Variants in VWA2 observed in about 807,000 individuals in gnomAD.
VWA2 encodes the protein von Willebrand factor A domain-containing protein 2.
VWA2 carries 73 observed loss-of-function variants against 70.4 expected under a neutral mutation model. The ratio of observed to expected loss-of-function variants is 1.04; its 90% CI spans 0.86 to 1.26. VWA2 has a LOEUF of 1.26. Ranked by LOEUF, VWA2 falls within the 50% of genes most tolerant of loss-of-function variation. The pLI, the probability that VWA2 is intolerant of heterozygous loss-of-function variation, is 0.00. For missense variants in VWA2, 1,011 were observed against 998.5 expected (o/e 1.01, Z -0.17); for synonymous variants, 407 against 423.3 (o/e 0.96, Z 0.47).
intron 6 of VWA2, 90 bp from the exon 7 acceptor site, chr10:114,277,824 G>A: frequency 1.4e-6 from 2 of 1,462,124 alleles, no homozygotes; most frequent in Non-Finnish European, 1.8e-6. Context: ...AATCTGTGCT[G>A]CCATCCACAA....
At chr10:114,266,075 A>C (rs1290617819) in intron 5 of VWA2, among the ~76,000 whole-genome samples, 1 of 152,196 alleles carries the variant, frequency 6.6e-6, no homozygotes, top group Non-Finnish European at 1.5e-5. Context: ...AGGTGGGCAG[A>C]TCACGAGGTC....
At position 114,254,911 on chromosome 10, in the gene VWA2, C is replaced by T. The variant is rs2037289052; in HGVS notation, c.128-4C>T. ...TTGTCATCTGTCTGTCCCGCTCTCC[C>T]TAGTGATGTGGTGCTCGGCTGCAGT... On this transcript the variant is annotated splice_region_variant and splice_polypyrimidine_tract_variant and intron_variant, in intron 3 of 13. Coordinates refer to ENST00000392982, the MANE Select transcript of VWA2 (RefSeq NM_001272046.2). The T allele has an allele frequency of 1.9e-6, 3 of 1,613,072 alleles. No individual in the cohort carries two copies. The highest frequency in any genetic ancestry group is 2.7e-5 in the African/African-American group (2 of 74,914).
rs1160569525 is a variant in VWA2, at chr10:114,288,932, C to T, written c.1571-6C>T. On this transcript the variant is annotated splice_region_variant and splice_polypyrimidine_tract_variant and intron_variant, in intron 11 of 13. Transcript: ENST00000392982. ...ACTGCTGAAGCCCCTCTGCTTGCTCCTGCAGGGTGCCGGACACAAGCCCTG... is the reference window on the plus strand; with the variant it reads ...ACTGCTGAAGCCCCTCTGCTTGCTCTTGCAGGGTGCCGGACACAAGCCCTG... The T allele has an allele frequency of 3.1e-6, 5 of 1,597,440 alleles. No individual in the cohort carries two copies. Among genetic ancestry groups the T allele is most frequent in the South Asian group, 1.1e-5 (1 of 87,822 alleles).
intron 8 of VWA2, 68 bp from the exon 9 acceptor site, chr10:114,282,445 AATC>A: frequency 8.0e-7 from 1 of 1,247,912 alleles, no homozygotes; most frequent in Non-Finnish European, 1.2e-6. Flanking sequence ...TGGTGTTGTA[AATC>A]ATCTTCTGTT....
Position 114,292,320 on chromosome 10 carries a change from T to C in VWA2, c.*1083T>C, listed in dbSNP as rs1027775515. ...CTTAGGAGGGGTTAATTGTGGCGTG[T>C]TTATGGAATTCTTTCCTTATTCTCC... On this transcript the variant is annotated 3_prime_UTR_variant, in exon 14 of 14. Transcript: ENST00000392982. Among the ~76,000 whole-genome samples the C allele has an allele frequency of 2.6e-5, 4 of 151,928 alleles. No homozygotes were observed. The highest frequency in any genetic ancestry group is 7.3e-5 in the African/African-American group (3 of 41,364).
At chr10:114,267,437 T>A (rs1159471339) in intron 5 of VWA2, among the ~76,000 whole-genome samples, 1 of 149,340 alleles carries the variant, frequency 6.7e-6, no homozygotes, top group Non-Finnish European at 1.5e-5. Context: ...TGAATTATTA[T>A]TATTGTTATT....
At position 114,246,327 on chromosome 10, in the gene VWA2, C is replaced by A. The variant is rs556782353; in HGVS notation, c.-10-2377C>A. On this transcript the variant is annotated intron_variant, in intron 1 of 13. Transcript: ENST00000392982. ...ACCAGCCTGATCAACATGGTGAAAC[C>A]CCGTCTCTACTAAAAATACAAAAAT... 25 of 573,322 alleles carry A rather than the reference C, an allele frequency of 4.4e-5. No homozygotes were observed. In the Middle Eastern group the frequency reaches 1.5e-3, roughly 33 times the overall value. The allele number at this position is 573,322 out of a possible 1,614,324, so 35.5% of individuals were successfully genotyped here. A position where few individuals can be genotyped will look rare whatever the true frequency, so the allele number is the denominator to read the frequency against.
At chr10:114,283,114 C>A (rs1589790764) in intron 9 of VWA2, among the ~76,000 whole-genome samples, 3 of 152,324 alleles carry the variant, frequency 2.0e-5, no homozygotes, top group Admixed American at 2.0e-4. Flanking sequence ...CCCTCACTAT[C>A]CCTCACTTGG....
Position 114,291,217 on chromosome 10 carries a change from G to T in VWA2, c.2249-1G>T. On this transcript the variant is annotated splice_acceptor_variant, in intron 13 of 13. Transcript: ENST00000392982. LOFTEE classifies it high-confidence loss of function. ...TCCTCAGACTTCACTTCCTTCCCCAGGATTCTTGAGACGCCCCTGAGGCAC... is the reference window on the plus strand; with the variant it reads ...TCCTCAGACTTCACTTCCTTCCCCATGATTCTTGAGACGCCCCTGAGGCAC... 1 of 1,550,574 alleles carries T rather than the reference G, an allele frequency of 6.4e-7. No homozygotes were observed. Among genetic ancestry groups the T allele is most frequent in the Non-Finnish European group, 8.7e-7 (1 of 1,146,958 alleles).
chr10:114,247,709 A>T (rs1232664064), intron 1 of VWA2, among the ~76,000 whole-genome samples: 1 of 151,946 alleles, frequency 6.6e-6, no homozygotes, highest in Non-Finnish European at 1.5e-5. Context: ...AGGTCCAAAC[A>T]TCATAGGTCC....
chr10:114,271,608 A>AACACAC lies in VWA2; in HGVS notation c.372-1102_372-1097dup, dbSNP rs142127208. On this transcript the variant is annotated intron_variant, in intron 5 of 13. Coordinates refer to ENST00000392982, the MANE Select transcript of VWA2 (RefSeq NM_001272046.2). Reference sequence around the variant, plus strand: ...ATGTCAGACTTGCATGAGAAGTAAAAACACACACACACACACACACACACA... The same window carrying AACACAC: ...ATGTCAGACTTGCATGAGAAGTAAAAACACACACACACACACACACACACACACACA... Among the ~76,000 whole-genome samples, 1,288 of 144,782 alleles carry AACACAC rather than the reference A, an allele frequency of 8.9e-3. 7 individuals carry two copies. Among genetic ancestry groups the AACACAC allele is most frequent in the East Asian group, 0.013 (65 of 4,932 alleles). 95.0% of individuals were successfully genotyped at this position (144,782 alleles called of 152,430 possible).
At chr10:114,264,183 G>C (rs1489916338) in intron 5 of VWA2, among the ~76,000 whole-genome samples, 2 of 152,194 alleles carry the variant, frequency 1.3e-5, no homozygotes, top group Non-Finnish European at 2.9e-5. Flanking sequence ...CACGAAAATA[G>C]TTGTATGCTA....
At chr10:114,269,583 A>C (rs2037661359) in intron 5 of VWA2, among the ~76,000 whole-genome samples, 1 of 152,192 alleles carries the variant, frequency 6.6e-6, no homozygotes, top group Non-Finnish European at 1.5e-5. Context: ...TCTGTCTCAA[A>C]AAAATAAGAA....
intron 4 of VWA2, among the ~76,000 whole-genome samples, chr10:114,259,924 C>T (rs1410647156): frequency 6.6e-6 from 1 of 152,164 alleles, no homozygotes; most frequent in Non-Finnish European, 1.5e-5. Flanking sequence ...AAAAGGAACC[C>T]CACCCAGCTG....
chr10:114,262,844 T>G (rs1389678621), intron 5 of VWA2, among the ~76,000 whole-genome samples: 2 of 152,218 alleles, frequency 1.3e-5, no homozygotes, highest in South Asian at 2.1e-4. Context: ...AATACAGTAG[T>G]GCACATCGGC....
chr10:114,265,838 C>A (rs950818755), intron 5 of VWA2, among the ~76,000 whole-genome samples: 1 of 152,100 alleles, frequency 6.6e-6, no homozygotes, highest in Non-Finnish European at 1.5e-5. Flanking sequence ...TGACAACAAA[C>A]AAGGAAAGGA....
chr10:114,243,896 C>T (rs567617024), intron 1 of VWA2, among the ~76,000 whole-genome samples: 7 of 152,324 alleles, frequency 4.6e-5, no homozygotes, highest in Admixed American at 6.5e-5. Flanking sequence ...AACCAGGATC[C>T]GAAGGCCACA....
chr10:114,268,868 T>G (rs1473863638), intron 5 of VWA2, among the ~76,000 whole-genome samples: 3 of 152,100 alleles, frequency 2.0e-5, no homozygotes, highest in African/African-American at 4.8e-5. Flanking sequence ...CTAATTTTTT[T>G]GTATTTTTAG....
At chr10:114,257,878 A>G (rs1009763820) in intron 4 of VWA2, among the ~76,000 whole-genome samples, 7 of 152,212 alleles carry the variant, frequency 4.6e-5, no homozygotes, top group Non-Finnish European at 7.3e-5. Context: ...CATGAGAAGG[A>G]GCCAGGACAG....
Sources: gnomAD v4.1 joint callset for allele counts (sites outside exome capture counted in the v4.1 genomes callset) on GRCh38, gnomAD v4.1.1 for gene constraint, MANE v1.5 for transcripts, NCBI Gene and HGNC (gene_info 2026-07-23, HGNC 2026-07-21) for gene names.